Variants in GLRA3 observed in about 807,000 individuals in gnomAD.
GLRA3 encodes the protein glycine receptor alpha 3.
Under a neutral mutation model 60.4 loss-of-function variants are expected in GLRA3, and 44 were observed. That is an observed-to-expected ratio of 0.73 (90% CI 0.57 to 0.94). The LOEUF (loss-of-function observed/expected upper bound fraction) is 0.94. Among genes scored for constraint, GLRA3 ranks in the 40% least tolerant of loss-of-function variants. GLRA3 has a pLI of 0.00. For synonymous variants in GLRA3, 223 were observed against 192.9 expected (o/e 1.16, Z -1.29); for missense variants, 508 against 564.6 (o/e 0.90, Z 1.02).
rs150432154 is a variant in GLRA3, at chr4:174,800,308, TA to T, written c.72-11366del. 7.2e-3 allele frequency among the ~76,000 whole-genome samples: 1,091 copies of T among 152,262 alleles called. 15 individuals carry two copies. Among genetic ancestry groups the T allele is most frequent in the African/African-American group, 0.025 (1,040 of 41,570 alleles). ...TTTTTCATAGATTTTATATGGACTT[TA>T]AGAAGATTAATTTTAACTACTTTCT... is the stretch of plus-strand genomic sequence containing the variant. On this transcript the variant is annotated intron_variant, in intron 1 of 9. Transcript: ENST00000274093.
intron 3 of GLRA3, among the ~76,000 whole-genome samples, chr4:174,753,854 T>C (rs1016134307): frequency 3.9e-5 from 6 of 152,122 alleles, no homozygotes; most frequent in Admixed American, 3.9e-4. Context: ...GCCTTAAAAA[T>C]GCAATTTTTA....
At chr4:174,816,265 C>T (rs943683801) in intron 1 of GLRA3, among the ~76,000 whole-genome samples, 1 of 152,118 alleles carries the variant, frequency 6.6e-6, no homozygotes, top group South Asian at 2.1e-4. Flanking sequence ...TGGGGACTGG[C>T]ACAGCCGGAT....
chr4:174,801,650 C>T (rs189714679), intron 1 of GLRA3, among the ~76,000 whole-genome samples: 2 of 152,074 alleles, frequency 1.3e-5, no homozygotes, highest in Non-Finnish European at 2.9e-5. Context: ...TTCAACCACA[C>T]CTTACCATGT....
intron 3 of GLRA3, among the ~76,000 whole-genome samples, chr4:174,740,476 C>G (rs1736975623): frequency 6.6e-6 from 1 of 152,112 alleles, no homozygotes; most frequent in Admixed American, 6.5e-5. Context: ...AATGCTGATC[C>G]TCCAGCTGAA....
intron 5 of GLRA3, 146 bp from the exon 6 acceptor site, chr4:174,683,085 A>G (rs1411422000): frequency 3.2e-6 from 2 of 619,452 alleles, no homozygotes; most frequent in East Asian, 2.7e-5. Flanking sequence ...TCATTGCCCA[A>G]TTCCGTTTCA....
chr4:174,793,248 C>T (rs1317595781), intron 1 of GLRA3, among the ~76,000 whole-genome samples: 2 of 151,816 alleles, frequency 1.3e-5, no homozygotes, highest in East Asian at 3.9e-4. Flanking sequence ...ATTTGTTTTA[C>T]TATATCTTTG....
intron 5 of GLRA3, among the ~76,000 whole-genome samples, chr4:174,715,042 C>T (rs1561073050): frequency 6.6e-6 from 1 of 152,144 alleles, no homozygotes; most frequent in East Asian, 1.9e-4. Context: ...GTCACTGTCA[C>T]CTTTGTGAGT....
chr4:174,800,294 T>A (rs1319829265), intron 1 of GLRA3, among the ~76,000 whole-genome samples: 2 of 152,038 alleles, frequency 1.3e-5, no homozygotes, highest in Non-Finnish European at 2.9e-5. Flanking sequence ...TTTTCATAGA[T>A]TTTATATGGA....
intron 1 of GLRA3, among the ~76,000 whole-genome samples, chr4:174,812,509 T>C (rs1740311755): frequency 6.6e-6 from 1 of 152,032 alleles, no homozygotes. Flanking sequence ...AAGCCCTACC[T>C]CTGCCTGGAG....
intron 7 of GLRA3, among the ~76,000 whole-genome samples, chr4:174,666,305 C>T (rs1003317852): frequency 6.6e-6 from 1 of 151,962 alleles, no homozygotes. Context: ...AGTCAACTTC[C>T]TAGTAGACAA....
intron 5 of GLRA3, among the ~76,000 whole-genome samples, chr4:174,690,805 C>T (rs947122320): frequency 2.0e-5 from 3 of 152,156 alleles, no homozygotes; most frequent in Non-Finnish European, 4.4e-5. Flanking sequence ...ATAATAGCCT[C>T]CAGCTCCATC....
intron 5 of GLRA3, among the ~76,000 whole-genome samples, chr4:174,694,641 C>T (rs183465415): frequency 3.8e-4 from 58 of 152,212 alleles, no homozygotes; most frequent in Non-Finnish European, 5.9e-4. Flanking sequence ...TTGGAAAGAT[C>T]TCAAATTAAC....
At chr4:174,751,573 T>C (rs1463177645) in intron 3 of GLRA3, among the ~76,000 whole-genome samples, 1 of 152,132 alleles carries the variant, frequency 6.6e-6, no homozygotes, top group Admixed American at 6.6e-5. Flanking sequence ...ATTACTAATT[T>C]TGCAAATAGG....
intron 2 of GLRA3, among the ~76,000 whole-genome samples, chr4:174,786,745 A>G (rs1561118648): frequency 6.6e-6 from 1 of 152,188 alleles, no homozygotes; most frequent in African/African-American, 2.4e-5. Flanking sequence ...AATCCATTAA[A>G]TTATTACTTT....
chr4:174,760,364 T>C (rs916712333), intron 3 of GLRA3, among the ~76,000 whole-genome samples: 45 of 152,150 alleles, frequency 3.0e-4, no homozygotes, highest in Non-Finnish European at 5.3e-4. Context: ...AAATTGCTAA[T>C]AGGTGCTTCA....
chr4:174,717,513 T>G (rs1735973466), intron 4 of GLRA3, among the ~76,000 whole-genome samples: 1 of 152,236 alleles, frequency 6.6e-6, no homozygotes, highest in Non-Finnish European at 1.5e-5. Flanking sequence ...GAATGATGTA[T>G]AGTCTACAGA....
chr4:174,786,637 A>T (rs1034618894), intron 2 of GLRA3, among the ~76,000 whole-genome samples: 1 of 152,244 alleles, frequency 6.6e-6, no homozygotes, highest in Non-Finnish European at 1.5e-5. Flanking sequence ...GGTGTTGAAT[A>T]TACTTAATTA....
At chr4:174,739,212 T>C (rs2111164739) in intron 3 of GLRA3, among the ~76,000 whole-genome samples, 1 of 152,166 alleles carries the variant, frequency 6.6e-6, no homozygotes, top group East Asian at 1.9e-4. Context: ...TAGCAAGAAG[T>C]AGGTTGCAAG....
chr4:174,752,314 A>C (rs17060840), intron 3 of GLRA3, among the ~76,000 whole-genome samples: 12,631 of 152,164 alleles, frequency 0.083, 699 homozygotes, highest in African/African-American at 0.15. Flanking sequence ...ACAGTGAAAT[A>C]ACAACCTGAA....
Sources: allele counts gnomAD v4.1 joint callset (sites outside exome capture counted in the v4.1 genomes callset), GRCh38; gene constraint gnomAD v4.1.1; transcripts MANE v1.5; gene names NCBI Gene and HGNC (gene_info 2026-07-23, HGNC 2026-07-21).